VWC2: variants seen among roughly 807,000 people sequenced by gnomAD.
VWC2 encodes the protein brorin.
VWC2 carries 14 observed loss-of-function variants against 29.8 expected under a neutral mutation model. The ratio of observed to expected loss-of-function variants is 0.47; its 90% CI spans 0.31 to 0.74. The LOEUF (loss-of-function observed/expected upper bound fraction) is 0.74. Ranked by LOEUF, VWC2 falls within the 30% of genes least tolerant of loss-of-function variation. The pLI, the probability that VWC2 is intolerant of heterozygous loss-of-function variation, is 0.05. For missense variants in VWC2, 457 were observed against 459.8 expected (o/e 0.99, Z 0.05); for synonymous variants, 213 against 199.0 (o/e 1.07, Z -0.59).
chr7:49,800,176 G>T (rs1243376742), intron 2 of VWC2, among the ~76,000 whole-genome samples: 1 of 152,184 alleles, frequency 6.6e-6, no homozygotes, highest in African/African-American at 2.4e-5. Flanking sequence ...AGCTCCAGTG[G>T]CAGTAAGAAG....
At chr7:49,807,821 C>T (rs1788912456) in intron 3 of VWC2, among the ~76,000 whole-genome samples, 1 of 152,096 alleles carries the variant, frequency 6.6e-6, no homozygotes, top group Non-Finnish European at 1.5e-5. Context: ...TAAACAAGCA[C>T]AATATAGCCC....
At chr7:49,878,695 T>G (rs1226850883) in intron 3 of VWC2, among the ~76,000 whole-genome samples, 1 of 152,190 alleles carries the variant, frequency 6.6e-6, no homozygotes, top group African/African-American at 2.4e-5. Flanking sequence ...CTTTGATAAG[T>G]TCTCTGCCAT....
chr7:49,780,083 A>G lies in VWC2; in HGVS notation c.696+3952A>G, dbSNP rs190305294. Among the ~76,000 whole-genome samples, 4 of 152,338 alleles carry G rather than the reference A, an allele frequency of 2.6e-5. No individual in the cohort carries two copies. In the East Asian group the frequency reaches 7.7e-4, roughly 29 times the overall value. ...CAATGACCAAAATTGACTTCCTAAAACAGACCTAACGAGGTAGTAACAGTG... is the reference window on the plus strand; with the variant it reads ...CAATGACCAAAATTGACTTCCTAAAGCAGACCTAACGAGGTAGTAACAGTG... On this transcript the variant is annotated intron_variant, in intron 2 of 3. Transcript: ENST00000340652.
rs1176726182 is a variant in VWC2 at position 49,911,279 on chromosome 7, C to G, written c.827-755C>G. Reference sequence around the variant, plus strand: ...CGGGCAGATCACGAGGTCAAGAGATCGAGACCATCCTGGCCAACATGGTGA... The same window carrying G: ...CGGGCAGATCACGAGGTCAAGAGATGGAGACCATCCTGGCCAACATGGTGA... On this transcript the variant is annotated intron_variant, in intron 3 of 3. Coordinates refer to ENST00000340652, the MANE Select transcript of VWC2 (RefSeq NM_198570.5). Among the ~76,000 whole-genome samples the G allele has an allele frequency of 2.0e-5, 3 of 151,814 alleles. No homozygotes were observed. In the East Asian group the frequency reaches 5.8e-4, roughly 30 times the overall value.
At chr7:49,881,059 G>T (rs1358078868) in intron 3 of VWC2, among the ~76,000 whole-genome samples, 4 of 151,984 alleles carry the variant, frequency 2.6e-5, no homozygotes, top group Non-Finnish European at 5.9e-5. Flanking sequence ...TTCTCTGTTG[G>T]CCAATATCTT....
rs1471687384 is a variant in VWC2 at position 49,912,479 on chromosome 7, A to G, written c.*294A>G. On this transcript the variant is annotated 3_prime_UTR_variant, in exon 4 of 4. Transcript: ENST00000340652. ...TCAAATGTATTTCTATAATCCCTCC[A>G]TTAGAGAGCTTATATAAGTGTTTTC... The G allele has an allele frequency of 4.5e-6, 1 of 223,936 alleles. No individual in the cohort carries two copies. The highest frequency in any genetic ancestry group is 5.4e-5 in the Admixed American group (1 of 18,684). 13.9% of individuals were successfully genotyped at this position (223,936 alleles called of 1,614,324 possible). A position where few individuals can be genotyped will look rare whatever the true frequency, so the allele number is the denominator to read the frequency against.
At chr7:49,903,696 G>A (rs976943008) in intron 3 of VWC2, among the ~76,000 whole-genome samples, 1 of 152,164 alleles carries the variant, frequency 6.6e-6, no homozygotes, top group South Asian at 2.1e-4. Flanking sequence ...AGACGTATAT[G>A]CACATATTAT....
At chr7:49,818,625 G>A (rs1398223466) in intron 3 of VWC2, among the ~76,000 whole-genome samples, 1 of 151,982 alleles carries the variant, frequency 6.6e-6, no homozygotes, top group Non-Finnish European at 1.5e-5. Flanking sequence ...AAGCAAGGGA[G>A]CTGGATCTGG....
At chr7:49,824,469 C>T (rs1789346698) in intron 3 of VWC2, among the ~76,000 whole-genome samples, 1 of 152,176 alleles carries the variant, frequency 6.6e-6, no homozygotes, top group African/African-American at 2.4e-5. Flanking sequence ...AGACTCTTCT[C>T]TAGAATTATT....
chr7:49,831,571 A>G (rs1332410373), intron 3 of VWC2, among the ~76,000 whole-genome samples: 2 of 152,156 alleles, frequency 1.3e-5, no homozygotes, highest in Non-Finnish European at 2.9e-5. Context: ...GTGTAAGGAG[A>G]CACTCCTCAT....
intron 3 of VWC2, among the ~76,000 whole-genome samples, chr7:49,804,361 C>G (rs529551395): frequency 6.6e-6 from 1 of 151,970 alleles, no homozygotes; most frequent in African/African-American, 2.4e-5. Flanking sequence ...CGCTGAGGAG[C>G]CCGAGTGAGC....
At chr7:49,860,478 G>A (rs1308832129) in intron 3 of VWC2, among the ~76,000 whole-genome samples, 4 of 152,148 alleles carry the variant, frequency 2.6e-5, no homozygotes, top group African/African-American at 7.2e-5. Flanking sequence ...TGTATATGCC[G>A]TGATTTGTTG....
intron 3 of VWC2, among the ~76,000 whole-genome samples, chr7:49,836,334 A>G: frequency 6.6e-6 from 1 of 152,086 alleles, no homozygotes; most frequent in East Asian, 1.9e-4. Context: ...TTTAAAATCT[A>G]TACTTAAGTG....
intron 3 of VWC2, among the ~76,000 whole-genome samples, chr7:49,823,421 A>T (rs55633081): frequency 0.27 from 40,624 of 152,106 alleles, 5,670 homozygotes; most frequent in African/African-American, 0.35. Flanking sequence ...GAAAGGCTTC[A>T]AAGTAGCTAT....
intron 3 of VWC2, among the ~76,000 whole-genome samples, chr7:49,869,052 G>T (rs1042889440): frequency 2.6e-5 from 4 of 152,064 alleles, no homozygotes; most frequent in Admixed American, 2.6e-4. Context: ...TTTCTGAGTT[G>T]TAGGGAATTT....
rs1362103811 is a variant in VWC2 at position 49,919,887 on chromosome 7, T to C, written c.*7702T>C. ...AAGGAGCTTGATACAAAAATCATTA[T>C]GTTCTATATATGTTTTTGTAGGTTT... On this transcript the variant is annotated 3_prime_UTR_variant, in exon 4 of 4. Transcript: ENST00000340652. The C allele has an allele frequency of 6.6e-6, 1 of 152,254 alleles. No individual in the cohort carries two copies. The highest frequency in any genetic ancestry group is 1.5e-5 in the Non-Finnish European group (1 of 68,050). 9.4% of individuals were successfully genotyped at this position (152,254 alleles called of 1,614,324 possible).
intron 3 of VWC2, among the ~76,000 whole-genome samples, chr7:49,823,023 C>T (rs1013457433): frequency 3.3e-5 from 5 of 152,102 alleles, no homozygotes; most frequent in East Asian, 1.9e-4. Context: ...GGTAGCTTCC[C>T]GGGAATGGAA....
At chr7:49,814,812 T>C (rs1418711210) in intron 3 of VWC2, among the ~76,000 whole-genome samples, 1 of 152,076 alleles carries the variant, frequency 6.6e-6, no homozygotes, top group African/African-American at 2.4e-5. Context: ...GGACCAGCCC[T>C]GGCGTCACTT....
At chr7:49,776,909 A>G (rs2128700630) in intron 2 of VWC2, among the ~76,000 whole-genome samples, 1 of 152,370 alleles carries the variant, frequency 6.6e-6, no homozygotes, top group African/African-American at 2.4e-5. Flanking sequence ...CAGAACAGCT[A>G]TTAAGAAACA....
Sources: allele counts gnomAD v4.1 joint callset (sites outside exome capture counted in the v4.1 genomes callset), GRCh38; gene constraint gnomAD v4.1.1; transcripts MANE v1.5; gene names NCBI Gene and HGNC (gene_info 2026-07-23, HGNC 2026-07-21).